The following RCAN2 variants were observed in gnomAD, a reference collection of about 807,000 sequenced individuals.
RCAN2 encodes calcipressin-2.
A neutral mutation model predicts 23.6 loss-of-function variants in RCAN2; 9 were observed. The observed-to-expected ratio is 0.38, with a 90% CI of 0.23 to 0.67. The LOEUF (loss-of-function observed/expected upper bound fraction) is 0.67. RCAN2 is among the 30% of genes least tolerant of loss of function. The probability of loss-of-function intolerance (pLI) is 0.51; values close to 1 mark genes in which losing one functional copy is unlikely to be tolerated. For missense variants in RCAN2, 273 were observed against 302.3 expected, an observed-to-expected ratio of 0.90 and a Z score of 0.72; for synonymous variants, 109 against 115.7, an observed-to-expected ratio of 0.94 and a Z score of 0.37.
chr6:46,330,293 G>A (rs1763925928), intron 2 of RCAN2, among the ~76,000 whole-genome samples: 1 of 152,110 alleles, frequency 6.6e-6, no homozygotes, highest in African/African-American at 2.4e-5. Flanking sequence ...AGACACTCTG[G>A]AGGGAAGACC....
At chr6:46,280,179 G>T (rs1200798866) in intron 2 of RCAN2, among the ~76,000 whole-genome samples, 2 of 152,116 alleles carry the variant, frequency 1.3e-5, no homozygotes, top group Non-Finnish European at 2.9e-5. Context: ...TCTGAGCAGT[G>T]CCATAATATC....
intron 2 of RCAN2, among the ~76,000 whole-genome samples, chr6:46,251,160 G>A (rs907498818): frequency 2.6e-5 from 4 of 152,110 alleles, no homozygotes; most frequent in East Asian, 1.9e-4. Flanking sequence ...CTTGTCTTAT[G>A]CAGAGCAGGC....
At chr6:46,388,104 G>A (rs1300193239) in intron 2 of RCAN2, among the ~76,000 whole-genome samples, 1 of 152,004 alleles carries the variant, frequency 6.6e-6, no homozygotes, top group African/African-American at 2.4e-5. Flanking sequence ...GGCCTGTTGT[G>A]GGGTGGGGGT....
intron 2 of RCAN2, among the ~76,000 whole-genome samples, chr6:46,311,040 A>T (rs148178659): frequency 6.0e-4 from 92 of 152,320 alleles, no homozygotes; most frequent in African/African-American, 2.2e-3. Context: ...CTTTAGGTAC[A>T]TTCTTATTTC....
intron 2 of RCAN2, among the ~76,000 whole-genome samples, chr6:46,306,505 G>T (rs1048631940): frequency 3.9e-5 from 6 of 152,150 alleles, no homozygotes; most frequent in Non-Finnish European, 5.9e-5. Context: ...GAATGGTAAG[G>T]AGAGATGAGG....
intron 2 of RCAN2, among the ~76,000 whole-genome samples, chr6:46,402,992 T>C (rs1766300537): frequency 6.7e-6 from 1 of 150,162 alleles, no homozygotes; most frequent in African/African-American, 2.5e-5. Flanking sequence ...TGAGACGGAG[T>C]CTCGCTCTGT....
At chr6:46,225,451 C>A in intron 4 of RCAN2, among the ~76,000 whole-genome samples, 1 of 152,144 alleles carries the variant, frequency 6.6e-6, no homozygotes, top group African/African-American at 2.4e-5. Context: ...CCTGTTGTTT[C>A]CTGACTTTTT....
chr6:46,473,462 A>G (rs185938854), intron 1 of RCAN2, among the ~76,000 whole-genome samples: 1 of 152,148 alleles, frequency 6.6e-6, no homozygotes. Flanking sequence ...TGTTCTCTTT[A>G]AACAATAAAC....
chr6:46,358,853 T>C (rs1225673105), intron 2 of RCAN2, among the ~76,000 whole-genome samples: 1 of 152,048 alleles, frequency 6.6e-6, no homozygotes, highest in African/African-American at 2.4e-5. Context: ...ACATCCAGGG[T>C]TGGGACCTAA....
rs1764059266 is a variant in RCAN2, at chr6:46,333,789, G to C, written c.226-84893C>G. Among the ~76,000 whole-genome samples, 3 of 152,320 alleles carry C rather than the reference G, an allele frequency of 2.0e-5. No individual in the cohort carries two copies. The South Asian group carries it at 6.2e-4, about 32-fold the overall frequency. The stretch of plus-strand genomic sequence containing the variant: ...TCTACAAGTGAACTCAGCCAGCATT[G>C]TCTGAATCAATGCCTTCCAATCTTT... On this transcript the variant is annotated intron_variant, in intron 2 of 4. Transcript: ENST00000371374.
At chr6:46,249,189 G>A (rs968759965) in intron 2 of RCAN2, among the ~76,000 whole-genome samples, 1 of 151,588 alleles carries the variant, frequency 6.6e-6, no homozygotes, top group Non-Finnish European at 1.5e-5. Context: ...AGAGGAGAGG[G>A]ATCATAATGA....
intron 1 of RCAN2, among the ~76,000 whole-genome samples, chr6:46,470,830 C>T (rs1477598244): frequency 6.6e-6 from 1 of 152,184 alleles, no homozygotes; most frequent in Non-Finnish European, 1.5e-5. Flanking sequence ...ATGGTTTGCC[C>T]ATGGCTTAGA....
chr6:46,276,513 G>T (rs931220842), intron 2 of RCAN2, among the ~76,000 whole-genome samples: 2 of 152,128 alleles, frequency 1.3e-5, no homozygotes, highest in Non-Finnish European at 2.9e-5. Flanking sequence ...CTGTCAATCT[G>T]CACTGGCCAA....
chr6:46,348,157 A>G (rs926187091), intron 2 of RCAN2, among the ~76,000 whole-genome samples: 1 of 152,216 alleles, frequency 6.6e-6, no homozygotes, highest in Non-Finnish European at 1.5e-5. Flanking sequence ...AGGAAATTAA[A>G]TAACCATTTT....
rs566695233 is a variant in RCAN2 at position 46,323,366 on chromosome 6, A to C, written c.226-74470T>G. Among the ~76,000 whole-genome samples, 341 of 151,580 alleles carry C rather than the reference A, an allele frequency of 2.2e-3. 1 individual carries two copies. The highest frequency in any genetic ancestry group is 3.3e-3 in the Non-Finnish European group (222 of 67,962). ...ATTATATGAGAAGACTAAGGCCCAG[A>C]AAGATTAGGTAACCTTTCTAAAAAA... On this transcript the variant is annotated intron_variant, in intron 2 of 4. Coordinates refer to ENST00000371374, the MANE Select transcript of RCAN2 (RefSeq NM_001251974.2).
intron 2 of RCAN2, among the ~76,000 whole-genome samples, chr6:46,408,122 T>G (rs1766452724): frequency 1.3e-5 from 2 of 152,190 alleles, no homozygotes; most frequent in South Asian, 4.1e-4. Flanking sequence ...TCACGAATAT[T>G]TTATGTTTTC....
At position 46,280,798 on chromosome 6, in the gene RCAN2, G is replaced by A. The variant is rs545018723; in HGVS notation, c.226-31902C>T. ...GTTGGGTATTAATTAAACTGAAGGAGTCTTAGTAGAGTGGTTAGTGAGATG... is the reference window on the plus strand; with the variant it reads ...GTTGGGTATTAATTAAACTGAAGGAATCTTAGTAGAGTGGTTAGTGAGATG... On this transcript the variant is annotated intron_variant, in intron 2 of 4. Coordinates refer to ENST00000371374, the MANE Select transcript of RCAN2 (RefSeq NM_001251974.2). 2.6e-5 allele frequency among the ~76,000 whole-genome samples: 4 copies of A among 152,238 alleles called. No individual in the cohort carries two copies. In the East Asian group the frequency reaches 7.7e-4, roughly 29 times the overall value.
intron 2 of RCAN2, among the ~76,000 whole-genome samples, chr6:46,359,705 C>T (rs768035076): frequency 5.9e-5 from 9 of 152,076 alleles, no homozygotes; most frequent in South Asian, 4.2e-4. Context: ...CCATTAAGAA[C>T]GAGGAAGAAG....
chr6:46,327,316 GCT>G (rs1440221877), intron 2 of RCAN2, among the ~76,000 whole-genome samples: 1 of 151,292 alleles, frequency 6.6e-6, no homozygotes, highest in African/African-American at 2.5e-5. Context: ...GGAAATTTCT[GCT>G]CTGACCTTGA....
Sources: allele counts gnomAD v4.1 joint callset (sites outside exome capture counted in the v4.1 genomes callset), GRCh38; gene constraint gnomAD v4.1.1; transcripts MANE v1.5; gene names NCBI Gene and HGNC (gene_info 2026-07-23, HGNC 2026-07-21).